The following TNR variants were observed in gnomAD, a reference collection of about 807,000 sequenced individuals.
TNR encodes the protein tenascin-R.
In TNR, 45 loss-of-function variants were observed where a neutral mutation model predicts 150.4. The ratio of observed to expected loss-of-function variants is 0.30; its 90% confidence interval spans 0.24 to 0.38. The LOEUF is 0.38. Among genes scored for constraint, TNR ranks in the 10% least tolerant of loss-of-function variants. The pLI is 1.00. For missense variants in TNR, 1,544 were observed against 1,759.1 expected (o/e 0.88, Z 2.19); for synonymous variants, 687 against 678.4 (o/e 1.01, Z -0.20).
intron 2 of TNR, among the ~76,000 whole-genome samples, chr1:175,471,462 AC>A (rs1377965928): frequency 6.6e-6 from 1 of 152,178 alleles, no homozygotes; most frequent in Non-Finnish European, 1.5e-5. Flanking sequence ...TATTGCTCCT[AC>A]CCTGTAAACC....
intron 1 of TNR, among the ~76,000 whole-genome samples, chr1:175,640,783 G>T (rs1022734226): frequency 6.8e-6 from 1 of 146,668 alleles, no homozygotes. Flanking sequence ...ATATGTGTGT[G>T]TGTGTGGGTA....
chr1:175,553,864 A>C (rs1661046533), intron 1 of TNR, among the ~76,000 whole-genome samples: 1 of 149,650 alleles, frequency 6.7e-6, no homozygotes, highest in Non-Finnish European at 1.5e-5. Context: ...TAATTACCCA[A>C]TTCTGGAAAA....
chr1:175,419,217 T>C (rs1654641139), intron 2 of TNR, among the ~76,000 whole-genome samples: 1 of 152,210 alleles, frequency 6.6e-6, no homozygotes. Flanking sequence ...GGGGTGCCAA[T>C]GGAATTCAAA....
At chr1:175,663,292 C>T (rs73033389) in intron 1 of TNR, among the ~76,000 whole-genome samples, 6 of 152,122 alleles carry the variant, frequency 3.9e-5, no homozygotes, top group African/African-American at 9.7e-5. Flanking sequence ...CCAGTCAGGC[C>T]GGGTCACTGC....
intron 2 of TNR, among the ~76,000 whole-genome samples, chr1:175,487,305 G>A (rs1658057866): frequency 1.3e-5 from 2 of 152,144 alleles, no homozygotes; most frequent in South Asian, 2.1e-4. Flanking sequence ...TGGAGCTCAG[G>A]TGGTAATGCT....
chr1:175,406,662 T>C lies in TNR; in HGVS notation c.53A>G (p.Asn18Ser). The C allele has an allele frequency of 6.2e-7, 1 of 1,614,224 alleles. No homozygotes were observed. The highest frequency in any genetic ancestry group is 8.5e-7 in the Non-Finnish European group (1 of 1,180,048). The change falls in exon 3 of 23, where the codon AAC becomes AGC. Residue 18 changes from asparagine (N) to serine (S), a missense_variant. Coordinates refer to ENST00000367674, the MANE Select transcript of TNR (RefSeq NM_003285.3). ...GATCATGGAGCCCAGAAGGATCAGG[T>C]TGATGCCAATGAGCATGTTCTTCAG... The part of the protein sequence containing the change: ...VVLKNMLIGI[N>S]LILLGSMIKP...
chr1:175,527,157 T>C (rs748517198), intron 2 of TNR, among the ~76,000 whole-genome samples: 1 of 152,222 alleles, frequency 6.6e-6, no homozygotes, highest in Non-Finnish European at 1.5e-5. Context: ...CATGTCTGCT[T>C]GGTTGCAGAG....
In TNR at chr1:175,362,756, T is replaced by C. The variant is rs76938240; in HGVS notation, c.2761A>G (p.Thr921Ala). ...TATTCGGTAGCTGGGTTCAGTCTGGTGATGGTGAATTCTGTCACAGTGTTG... is the reference window on the plus strand; with the variant it reads ...TATTCGGTAGCTGGGTTCAGTCTGGCGATGGTGAATTCTGTCACAGTGTTG... ...VPNTVTEFTI[T>A]RLNPATEYEI... is the part of the protein sequence containing the mutation. Residue 921 changes from threonine to alanine, a missense_variant, in exon 14 of 23, where the codon ACC becomes GCC. Thr to Ala is a moderately conservative substitution (Grantham distance 58). Coordinates refer to ENST00000367674, the MANE Select transcript of TNR (RefSeq NM_003285.3). The C allele has an allele frequency of 1.5e-4, 245 of 1,614,084 alleles. No homozygotes were observed. The African/African-American group carries it at 2.9e-3, about 19-fold the overall frequency.
intron 1 of TNR, among the ~76,000 whole-genome samples, chr1:175,608,970 A>T (rs952063374): frequency 6.6e-5 from 10 of 152,232 alleles, no homozygotes; most frequent in African/African-American, 2.4e-4. Flanking sequence ...GATCCTGGGC[A>T]AATATCCCAA....
chr1:175,357,166 C>T (rs964045866), intron 15 of TNR, among the ~76,000 whole-genome samples: 3 of 152,078 alleles, frequency 2.0e-5, no homozygotes, highest in South Asian at 2.1e-4. Context: ...CATTTTGCCT[C>T]ATTGATTGAG....
intron 1 of TNR, among the ~76,000 whole-genome samples, chr1:175,580,348 T>A (rs1169973586): frequency 6.6e-6 from 1 of 152,170 alleles, no homozygotes; most frequent in Admixed American, 6.5e-5. Context: ...TTTAAATAAA[T>A]GAATGAAGCC....
chr1:175,484,608 T>A (rs1247535095), intron 2 of TNR, among the ~76,000 whole-genome samples: 1 of 152,208 alleles, frequency 6.6e-6, no homozygotes, highest in Non-Finnish European at 1.5e-5. Context: ...GTTTTTGTTC[T>A]CATGAAATTT....
chr1:175,551,164 A>G (rs780692487), intron 1 of TNR, among the ~76,000 whole-genome samples: 6 of 152,224 alleles, frequency 3.9e-5, no homozygotes, highest in Non-Finnish European at 8.8e-5. Flanking sequence ...AAGGCAGGTG[A>G]CAAAATATTA....
rs541374918 is a variant in TNR, at chr1:175,728,165, C to G, written c.-165+15061G>C. On this transcript the variant is annotated intron_variant, in intron 1 of 22. Transcript: ENST00000367674. ...GGTTTCTGCAGGAGATCAGTGGTAA[C>G]AGTGGATGGTGGACTCTAAGCCTCG... 3.9e-5 allele frequency among the ~76,000 whole-genome samples: 6 copies of G among 152,232 alleles called. No individual in the cohort carries two copies. The East Asian group carries it at 9.7e-4, about 24-fold the overall frequency.
chr1:175,334,577 AACGAAGTG>A (rs1040300372), intron 20 of TNR, among the ~76,000 whole-genome samples: 1 of 152,202 alleles, frequency 6.6e-6, no homozygotes, highest in Non-Finnish European at 1.5e-5. Flanking sequence ...GCATTCAGGC[AACGAAGTG>A]ACCCCACCTG....
intron 2 of TNR, among the ~76,000 whole-genome samples, chr1:175,474,953 T>C (rs897963083): frequency 2.6e-5 from 4 of 152,218 alleles, no homozygotes; most frequent in African/African-American, 9.6e-5. Context: ...TTGGTGAATA[T>C]TTTTTAGTGC....
At chr1:175,540,742 T>A (rs1660468743) in intron 1 of TNR, among the ~76,000 whole-genome samples, 1 of 152,150 alleles carries the variant, frequency 6.6e-6, no homozygotes, top group African/African-American at 2.4e-5. Flanking sequence ...GCCCTTGTTA[T>A]CTCCGGACTG....
At chr1:175,633,135 C>T (rs562666905) in intron 1 of TNR, among the ~76,000 whole-genome samples, 16 of 152,326 alleles carry the variant, frequency 1.1e-4, no homozygotes, top group African/African-American at 3.8e-4. Context: ...TGAGTTAGTG[C>T]TACACATACA....
intron 2 of TNR, among the ~76,000 whole-genome samples, chr1:175,469,631 A>G (rs532605554): frequency 1.3e-5 from 2 of 151,974 alleles, no homozygotes; most frequent in African/African-American, 4.8e-5. Flanking sequence ...CTTGGTAACT[A>G]GAGGGACGGG....
Sources: allele counts gnomAD v4.1 joint callset (sites outside exome capture counted in the v4.1 genomes callset), GRCh38; gene constraint gnomAD v4.1.1; transcripts MANE v1.5; gene names NCBI Gene and HGNC (gene_info 2026-07-23, HGNC 2026-07-21).